PLD1: variants seen among roughly 807,000 people sequenced by gnomAD.
PLD1 encodes choline phosphatase 1.
In PLD1, 112 loss-of-function variants were observed where a neutral mutation model predicts 137.1. That is an observed-to-expected ratio of 0.82 (90% CI 0.70 to 0.96). PLD1 has a LOEUF of 0.96. Among genes scored for constraint, PLD1 ranks in the 40% least tolerant of loss-of-function variants. PLD1 has a pLI of 0.00. For missense variants in PLD1, 1,321 were observed against 1,342.0 expected (o/e 0.98, Z 0.24); for synonymous variants, 431 against 454.7 (o/e 0.95, Z 0.66).
intron 21 of PLD1, chr3:171,653,910 C>A: frequency 4.6e-6 from 1 of 218,048 alleles, no homozygotes; most frequent in Non-Finnish European, 9.4e-6. Flanking sequence ...GGTCACATAC[C>A]TGTGGATAAC....
chr3:171,799,238 C>T (rs780105749), intron 1 of PLD1, among the ~76,000 whole-genome samples: 8 of 147,436 alleles, frequency 5.4e-5, no homozygotes, highest in Non-Finnish European at 8.9e-5. Flanking sequence ...ACTCAGGAGG[C>T]TAAGGCAGGA....
At chr3:171,633,625 T>TA (rs1226369216) in intron 23 of PLD1, among the ~76,000 whole-genome samples, 1 of 152,122 alleles carries the variant, frequency 6.6e-6, no homozygotes, top group East Asian at 1.9e-4. Context: ...CCCCAGAACT[T>TA]AAAGTATAAT....
At chr3:171,680,512 G>A (rs1481327427) in intron 16 of PLD1, among the ~76,000 whole-genome samples, 4 of 151,944 alleles carry the variant, frequency 2.6e-5, no homozygotes, top group African/African-American at 9.7e-5. Flanking sequence ...GGGATTACAG[G>A]CGTGAGCCAC....
intron 12 of PLD1, among the ~76,000 whole-genome samples, chr3:171,698,811 C>CAAAAAAAAAAAAAAAA (rs11359377): frequency 9.6e-6 from 1 of 103,964 alleles, no homozygotes; most frequent in African/African-American, 3.5e-5. Context: ...TACAAAAATA[C>CAAAAAAAAAAAAAAAA]AAAAAAAAAA....
At chr3:171,639,422 T>G (rs1560169627) in intron 23 of PLD1, among the ~76,000 whole-genome samples, 2 of 124,934 alleles carry the variant, frequency 1.6e-5, no homozygotes, top group African/African-American at 3.2e-5. Context: ...AATTTTTAAT[T>G]TATATTTTAT....
intron 1 of PLD1, among the ~76,000 whole-genome samples, chr3:171,753,799 T>C (rs1447394045): frequency 6.6e-6 from 1 of 152,164 alleles, no homozygotes; most frequent in Non-Finnish European, 1.5e-5. Flanking sequence ...CATTCTCAAG[T>C]ATCTCAATTA....
chr3:171,705,148 C>G (rs912326529), intron 11 of PLD1, among the ~76,000 whole-genome samples: 4 of 152,050 alleles, frequency 2.6e-5, no homozygotes, highest in Non-Finnish European at 4.4e-5. Context: ...CGGAAAGAGT[C>G]AATGAATTTG....
chr3:171,735,197 T>G (rs1719260478), intron 4 of PLD1, among the ~76,000 whole-genome samples: 1 of 152,206 alleles, frequency 6.6e-6, no homozygotes, highest in Non-Finnish European at 1.5e-5. Context: ...GGTACAATCA[T>G]GCTCACTGCA....
At chr3:171,704,475 A>AAC (rs1329124072) in intron 11 of PLD1, among the ~76,000 whole-genome samples, 14 of 151,758 alleles carry the variant, frequency 9.2e-5, no homozygotes, top group Admixed American at 2.0e-4. Context: ...AAAAAAAAAA[A>AAC]AACCTTATCT....
chr3:171,693,506 GTAT>G (rs1715400725), intron 12 of PLD1, among the ~76,000 whole-genome samples: 1 of 151,910 alleles, frequency 6.6e-6, no homozygotes, highest in Non-Finnish European at 1.5e-5. Context: ...AGTTCAGAAT[GTAT>G]TACCTCCAGG....
chr3:171,603,256 A>G lies in PLD1; in HGVS notation c.3047T>C (p.Leu1016Pro). The change falls in exon 27 of 27, where the codon CTG (leucine) becomes CCG (proline). Residue 1016 changes from leucine to proline, a missense_variant. By Grantham distance (98) the Leu-to-Pro change is moderately conservative (BLOSUM62 -3). Coordinates refer to ENST00000351298, the MANE Select transcript of PLD1 (RefSeq NM_002662.5). ...PNDEVHNLIQ[L>P]RDFINKPVLA... The stretch of plus-strand genomic sequence containing the variant: ...TACGGGCTTGTTTATAAAGTCTCTC[A>G]GCTGAATTAAATTGTGTACTTCATC... The G allele has an allele frequency of 6.2e-7, 1 of 1,614,080 alleles. No homozygotes were observed. Among genetic ancestry groups the G allele is most frequent in the Non-Finnish European group, 8.5e-7 (1 of 1,179,976 alleles).
At chr3:171,620,558 C>A (rs759111380) in intron 23 of PLD1, 38 bp from the exon 24 acceptor site, 8 of 1,303,066 alleles carry the variant, frequency 6.1e-6, no homozygotes, top group African/African-American at 2.9e-5. Context: ...ATTAATATGA[C>A]CAAGCTCAAT....
rs368562286 is a variant in PLD1, at chr3:171,639,568, T to C, written c.2593+3272A>G. 1.2e-3 allele frequency among the ~76,000 whole-genome samples: 84 copies of C among 69,146 alleles called. 2 individuals are homozygous for C. The highest frequency in any genetic ancestry group is 0.011 in the Middle Eastern group (1 of 92). The allele number at this position is 69,146 out of a possible 152,430, so 45.4% of individuals were successfully genotyped here. ...ATATATATTCATATAATATATATTA[T>C]ATATAATATATATTCATATAATATA... On this transcript the variant is annotated intron_variant, in intron 23 of 26. Coordinates refer to ENST00000351298, the MANE Select transcript of PLD1 (RefSeq NM_002662.5).
intron 1 of PLD1, among the ~76,000 whole-genome samples, chr3:171,778,073 A>T (rs888213989): frequency 1.3e-5 from 2 of 152,212 alleles, no homozygotes; most frequent in Non-Finnish European, 1.5e-5. Context: ...TGCTTACAAG[A>T]TATTTAAATT....
chr3:171,770,794 T>A (rs1288660315), intron 1 of PLD1, among the ~76,000 whole-genome samples: 6 of 140,308 alleles, frequency 4.3e-5, no homozygotes, highest in African/African-American at 1.6e-4. Flanking sequence ...GAGGTTGAGG[T>A]GGGAGGATCG....
In PLD1 at chr3:171,677,622, T is replaced by C; in HGVS notation, c.1940A>G (p.Lys647Arg). 2 of 1,614,000 alleles carry C rather than the reference T, an allele frequency of 1.2e-6. No individual in the cohort carries two copies. The highest frequency in any genetic ancestry group is 1.7e-6 in the Non-Finnish European group (2 of 1,179,846). Residue 647 changes from lysine (K) to arginine (R), a missense_variant, in exon 17 of 27, where the codon AAG becomes AGG. Transcript: ENST00000351298. ...LHGETRFWHGKDYCNFVFKDW... is the reference protein window; with the variant it reads ...LHGETRFWHGRDYCNFVFKDW... The stretch of plus-strand genomic sequence containing the variant: ...TTTGAAGACGAAATTGCAGTAGTCC[T>C]TTCCATGCCAGAATCTGGTTTCCCC...
chr3:171,700,284 GA>G (rs1716130530), intron 11 of PLD1, among the ~76,000 whole-genome samples: 1 of 150,596 alleles, frequency 6.6e-6, no homozygotes, highest in African/African-American at 2.4e-5. Flanking sequence ...GGCTTAATGG[GA>G]AAGTTTTTCC....
chr3:171,795,634 C>T (rs1723404157), intron 1 of PLD1, among the ~76,000 whole-genome samples: 1 of 152,186 alleles, frequency 6.6e-6, no homozygotes. Flanking sequence ...ACAAGGCCTC[C>T]ACCTGCCATT....
chr3:171,608,486 T>A (rs1732387719), intron 25 of PLD1, among the ~76,000 whole-genome samples: 1 of 152,238 alleles, frequency 6.6e-6, no homozygotes, highest in Non-Finnish European at 1.5e-5. Flanking sequence ...AAAAGAATAC[T>A]AATTTGAAGA....
Sources: allele counts gnomAD v4.1 joint callset (sites outside exome capture counted in the v4.1 genomes callset), GRCh38; gene constraint gnomAD v4.1.1; transcripts MANE v1.5; gene names NCBI Gene and HGNC (gene_info 2026-07-23, HGNC 2026-07-21).